Variants in PGAP4 observed in about 807,000 individuals in gnomAD.
PGAP4 encodes the protein GPI-N-acetylgalactosamine transferase PGAP4.
PGAP4 carries 12 observed loss-of-function variants against 28.2 expected under a neutral mutation model. That is an observed-to-expected ratio of 0.42 (90% confidence interval 0.27 to 0.69). The LOEUF is 0.69. PGAP4 is among the 30% of genes least tolerant of loss of function. PGAP4 has a pLI of 0.22. For missense variants in PGAP4, 425 were observed against 513.5 expected (o/e 0.83, Z 1.67); for synonymous variants, 205 against 211.8 (o/e 0.97, Z 0.28).
chr9:101,488,846 C>G (rs1388379635), upstream of PGAP4, among the ~76,000 whole-genome samples: 1 of 152,196 alleles, frequency 6.6e-6, no homozygotes, highest in African/African-American at 2.4e-5. Flanking sequence ...CCCATCATCA[C>G]AGAAAGTTCT....
At chr9:101,509,556 C>T (rs1336345859) in intron 2 of PGAP4, among the ~76,000 whole-genome samples, 1 of 152,164 alleles carries the variant, frequency 6.6e-6, no homozygotes, top group Non-Finnish European at 1.5e-5. Context: ...AAAGCTATCT[C>T]ACTTCTGTAT....
intron 2 of PGAP4, among the ~76,000 whole-genome samples, chr9:101,518,723 G>A (rs1826960996): frequency 6.6e-6 from 1 of 152,158 alleles, no homozygotes; most frequent in African/African-American, 2.4e-5. Context: ...TGATTGATGG[G>A]CATTTGGGTT....
chr9:101,528,650 C>T (rs1287813428), intron 2 of PGAP4, among the ~76,000 whole-genome samples: 1 of 152,114 alleles, frequency 6.6e-6, no homozygotes, highest in Non-Finnish European at 1.5e-5. Context: ...TTCACAAAGA[C>T]AACCTGGCTT....
rs1826216819 is a variant in PGAP4 at position 101,473,644 on chromosome 9, AG to A, written c.*2236del. 1 of 152,314 alleles carries A rather than the reference AG, an allele frequency of 6.6e-6. No homozygotes were observed. Among genetic ancestry groups the A allele is most frequent in the South Asian group, 2.1e-4 (1 of 4,832 alleles). 9.4% of individuals were successfully genotyped at this position (152,314 alleles called of 1,614,324 possible). ...GCCTTCCATAATGGAGAAGTCGGGC[AG>A]GGGATGTCTGCATGCAATAGACAAC... On this transcript the variant is annotated 3_prime_UTR_variant, in exon 2 of 2. Coordinates refer to ENST00000374848, the MANE Select transcript of PGAP4 (RefSeq NM_032342.3).
intron 2 of PGAP4, chr9:101,501,569 G>A (rs1826799380): frequency 2.3e-6 from 1 of 427,764 alleles, no homozygotes; most frequent in East Asian, 7.0e-5. Context: ...ATATTTCCTG[G>A]TTAAGTGGAA....
chr9:101,493,245 TC>T (rs1231792170), intron 2 of PGAP4, among the ~76,000 whole-genome samples: 1 of 133,772 alleles, frequency 7.5e-6, no homozygotes, highest in East Asian at 2.2e-4. Context: ...AGAGCGAGAC[TC>T]CATCTCAAAA....
At chr9:101,530,355 C>G (rs1827077648) in intron 2 of PGAP4, among the ~76,000 whole-genome samples, 1 of 151,960 alleles carries the variant, frequency 6.6e-6, no homozygotes, top group African/African-American at 2.4e-5. Flanking sequence ...TGACTTGGGT[C>G]CTTCAACAAA....
chr9:101,494,742 T>C (rs1181625179), intron 2 of PGAP4, among the ~76,000 whole-genome samples: 2 of 151,728 alleles, frequency 1.3e-5, no homozygotes, highest in Non-Finnish European at 3.0e-5. Context: ...GCAATAACTG[T>C]GGATAACAAG....
chr9:101,523,116 C>T (rs1055832604), intron 2 of PGAP4, among the ~76,000 whole-genome samples: 1 of 152,160 alleles, frequency 6.6e-6, no homozygotes, highest in Non-Finnish European at 1.5e-5. Flanking sequence ...GATAGGTTGT[C>T]CTTTATAGGT....
At chr9:101,525,920 C>T (rs1487844818) in intron 2 of PGAP4, among the ~76,000 whole-genome samples, 1 of 151,436 alleles carries the variant, frequency 6.6e-6, no homozygotes, top group Non-Finnish European at 1.5e-5. Context: ...ATAAATAATG[C>T]TATGTTAAAC....
chr9:101,505,448 C>A (rs1826841786), intron 2 of PGAP4, among the ~76,000 whole-genome samples: 2 of 152,020 alleles, frequency 1.3e-5, no homozygotes, highest in South Asian at 4.1e-4. Flanking sequence ...AAAATACAAG[C>A]TATATCCCAC....
chr9:101,514,397 A>G (rs1826925227), intron 2 of PGAP4, among the ~76,000 whole-genome samples: 1 of 152,184 alleles, frequency 6.6e-6, no homozygotes, highest in Non-Finnish European at 1.5e-5. Flanking sequence ...CAAATGATTT[A>G]TTCTCACTGT....
upstream of PGAP4, among the ~76,000 whole-genome samples, chr9:101,491,566 C>G (rs995562694): frequency 9.9e-5 from 15 of 152,004 alleles, no homozygotes; most frequent in African/African-American, 3.6e-4. Flanking sequence ...CCAGACAGGT[C>G]ATATTGACTA....
chr9:101,487,104 C>T lies in PGAP4; in HGVS notation c.-233G>A, dbSNP rs921919572. On this transcript the variant is annotated 5_prime_UTR_variant, in exon 1 of 2. Transcript: ENST00000374848. ...GGTGTGCGCCGGAGCCTCACCTCCT[C>T]CCGCCTCGCAGCTCAGGCGCAGGGC... 2 of 152,278 alleles carry T rather than the reference C, an allele frequency of 1.3e-5. No individual in the cohort carries two copies. Among genetic ancestry groups the T allele is most frequent in the Non-Finnish European group, 2.9e-5 (2 of 68,074 alleles). 9.4% of individuals were successfully genotyped at this position (152,278 alleles called of 1,614,324 possible).
At chr9:101,479,206 G>A (rs1307609016) in intron 1 of PGAP4, among the ~76,000 whole-genome samples, 2 of 152,214 alleles carry the variant, frequency 1.3e-5, no homozygotes, top group Non-Finnish European at 2.9e-5. Flanking sequence ...CAAACCATGT[G>A]GTTGAACGTG....
intron 1 of PGAP4, among the ~76,000 whole-genome samples, chr9:101,532,110 A>G: frequency 6.6e-6 from 1 of 152,070 alleles, no homozygotes; most frequent in East Asian, 1.9e-4. Flanking sequence ...TCTCTACTAA[A>G]AATACAAAAA....
chr9:101,501,503 C>A, intron 2 of PGAP4: 3 of 222,056 alleles, frequency 1.4e-5, no homozygotes, highest in East Asian at 1.3e-4. Context: ...ATTTATTAAT[C>A]AGTGTAATCT....
chr9:101,508,558 G>A (rs969328130), intron 2 of PGAP4, among the ~76,000 whole-genome samples: 1 of 152,078 alleles, frequency 6.6e-6, no homozygotes, highest in African/African-American at 2.4e-5. Context: ...ACCCTGTGAG[G>A]TCTGTTATGT....
chr9:101,502,661 TC>T (rs1360114554), intron 2 of PGAP4, among the ~76,000 whole-genome samples: 1 of 152,070 alleles, frequency 6.6e-6, no homozygotes, highest in Non-Finnish European at 1.5e-5. Flanking sequence ...TGTTAGGGCA[TC>T]CTTCCATCCC....
Sources: allele counts gnomAD v4.1 joint callset (sites outside exome capture counted in the v4.1 genomes callset), GRCh38; gene constraint gnomAD v4.1.1; transcripts MANE v1.5; gene names NCBI Gene and HGNC (gene_info 2026-07-23, HGNC 2026-07-21).